Variants in C14orf39 observed in about 807,000 individuals in gnomAD.
The protein encoded by C14orf39 is chromosome 14 open reading frame 39, also known as protein SIX6OS1.
Under a neutral mutation model 85.6 loss-of-function variants are expected in C14orf39, and 66 were observed. That is an observed-to-expected ratio of 0.77 (90% confidence interval 0.63 to 0.95). The LOEUF is 0.95. Ranked by LOEUF, C14orf39 falls within the 40% of genes least tolerant of loss-of-function variation. C14orf39 has a pLI of 0.00. For synonymous variants in C14orf39, 242 were observed against 214.0 expected (o/e 1.13, Z -1.14); for missense variants, 735 against 663.9 (o/e 1.11, Z -1.18).
chr14:60,510,086 G>C, intron 1 of C14orf39: 1 of 941,864 alleles, frequency 1.1e-6, no homozygotes, highest in Non-Finnish European at 1.7e-6. Context: ...TTGGGAGCGC[G>C]GTCTGTCTTG....
rs570234571 is a variant in C14orf39 at position 60,449,642 on chromosome 14, A to G, written c.1503+5359T>C. On this transcript the variant is annotated intron_variant, in intron 16 of 17. Transcript: ENST00000321731. The stretch of plus-strand genomic sequence containing the variant: ...ATATAAGGATTTTGTCAATTTTGTC[A>G]ATTATTTTCAAATAATCAACTTTGA... Among the ~76,000 whole-genome samples, 49 of 152,208 alleles carry G rather than the reference A, an allele frequency of 3.2e-4. 1 individual carries two copies. Among genetic ancestry groups the G allele is most frequent in the Middle Eastern group, 6.8e-3 (2 of 294 alleles).
chr14:60,440,333 TA>T (rs1890449393), intron 17 of C14orf39, among the ~76,000 whole-genome samples: 2 of 152,298 alleles, frequency 1.3e-5, no homozygotes, highest in African/African-American at 4.8e-5. Flanking sequence ...AAATTACGCT[TA>T]GAGCCTTCCA....
At chr14:60,485,580 T>C (rs1956553) in intron 1 of C14orf39, among the ~76,000 whole-genome samples, 24 of 152,068 alleles carry the variant, frequency 1.6e-4, no homozygotes, top group African/African-American at 5.6e-4. Context: ...AATAAAAAAA[T>C]TGGAGGTTTT....
chr14:60,471,841 G>A, intron 5 of C14orf39, 102 bp from the exon 6 acceptor site: 2 of 653,378 alleles, frequency 3.1e-6, no homozygotes, highest in Non-Finnish European at 5.0e-6. Flanking sequence ...CAAATCAAAT[G>A]TCTTCTTATT....
At chr14:60,447,872 G>C (rs940478622) in intron 16 of C14orf39, among the ~76,000 whole-genome samples, 14 of 151,932 alleles carry the variant, frequency 9.2e-5, no homozygotes, top group African/African-American at 1.5e-4. Context: ...CAGAACAGAG[G>C]CCTCAGAAAT....
upstream of C14orf39, among the ~76,000 whole-genome samples, chr14:60,486,790 G>A (rs968169573): frequency 6.6e-6 from 1 of 152,204 alleles, no homozygotes; most frequent in Non-Finnish European, 1.5e-5. Flanking sequence ...GAAGGTTTCA[G>A]AAGTTTTTCT....
In C14orf39 at chr14:60,449,300, A is replaced by C. The variant is rs115676157; in HGVS notation, c.1503+5701T>G. On this transcript the variant is annotated intron_variant, in intron 16 of 17. Coordinates refer to ENST00000321731, the MANE Select transcript of C14orf39 (RefSeq NM_174978.3). ...TCCTCCTAAGATTTGGTAAATATTC[A>C]CCTATATTTCTTCAGAAATATATTG... Among the ~76,000 whole-genome samples the C allele has an allele frequency of 5.6e-3, 848 of 152,304 alleles. 2 individuals carry two copies. Among genetic ancestry groups the C allele is most frequent in the African/African-American group, 0.018 (760 of 41,554 alleles).
At chr14:60,509,998 G>C (rs762317415) in intron 1 of C14orf39, 3 of 1,568,790 alleles carry the variant, frequency 1.9e-6, no homozygotes, top group Non-Finnish European at 1.7e-6. Context: ...TCCGCGCTTT[G>C]AGCGCACCGG....
chr14:60,486,286 C>A (rs1340441475), upstream of C14orf39, among the ~76,000 whole-genome samples: 2 of 152,238 alleles, frequency 1.3e-5, no homozygotes, highest in East Asian at 3.9e-4. Context: ...AGAGACCTGT[C>A]AGAGACTCTC....
Position 60,436,925 on chromosome 14 carries a change from C to G in C14orf39, c.1684G>C (p.Gly562Arg). The G allele has an allele frequency of 6.2e-7, 1 of 1,611,706 alleles. No individual in the cohort carries two copies. The highest frequency in any genetic ancestry group is 8.5e-7 in the Non-Finnish European group (1 of 1,178,266). The change falls in exon 18 of 18, where the codon GGT (glycine) becomes CGT (arginine). Residue 562 changes from glycine (G) to arginine (R), a missense_variant. Coordinates refer to ENST00000321731, the MANE Select transcript of C14orf39 (RefSeq NM_174978.3). Reference sequence around the variant, plus strand: ...GAAGAAGAAGGTATTGAATTTTGACCCTGTCCAAATGAAAATGGAAAACTA... The same window carrying G: ...GAAGAAGAAGGTATTGAATTTTGACGCTGTCCAAATGAAAATGGAAAACTA... ...DFSFPFSFGQ[G>R]QNSIPSSSLK...
intron 15 of C14orf39, among the ~76,000 whole-genome samples, chr14:60,456,236 C>T (rs1595455341): frequency 6.6e-6 from 1 of 151,974 alleles, no homozygotes. Context: ...ATTTTCTTGG[C>T]TGCAAACTAC....
chr14:60,492,629 A>C (rs1243603312), intron 2 of C14orf39, among the ~76,000 whole-genome samples: 3 of 151,874 alleles, frequency 2.0e-5, no homozygotes, highest in Admixed American at 6.6e-5. Flanking sequence ...TAATAAAATA[A>C]AAAATTAGCT....
intron 14 of C14orf39, 45 bp from the exon 15 acceptor site, chr14:60,457,140 C>T (rs1366784713): frequency 1.6e-6 from 2 of 1,247,256 alleles, no homozygotes; most frequent in African/African-American, 3.1e-5. Flanking sequence ...AATGCTGCTG[C>T]ATTAATGACA....
chr14:60,466,791 CTT>C, intron 10 of C14orf39, 124 bp downstream of exon 10: 1 of 602,178 alleles, frequency 1.7e-6, no homozygotes, highest in Non-Finnish European at 2.4e-6. Context: ...GCAGTACTCT[CTT>C]GAGTTTATAG....
chr14:60,506,324 C>T (rs1274123601), intron 1 of C14orf39, among the ~76,000 whole-genome samples: 1 of 152,130 alleles, frequency 6.6e-6, no homozygotes, highest in African/African-American at 2.4e-5. Flanking sequence ...TGGCACAAAA[C>T]CTCAAAACTG....
Position 60,455,057 on chromosome 14 carries a change from G to A in C14orf39, c.1447C>T (p.Pro483Ser), listed in dbSNP as rs898006117. 1.3e-6 allele frequency: 2 copies of A among 1,579,892 alleles called. No homozygotes were observed. The highest frequency in any genetic ancestry group is 1.7e-6 in the Non-Finnish European group (2 of 1,166,848). Reference protein sequence around the residue: ...SFLMSYTSRSPGLNLFDSSVF... With the variant: ...SFLMSYTSRSSGLNLFDSSVF... ...GAAGAATCAAATAAATTCAATCCAG[G>A]TGATCTAGAAGTATAACTCATAAGA... The change falls in exon 16 of 18, where the codon CCT becomes TCT. Residue 483 changes from proline (P) to serine (S), a missense_variant. Physicochemically the swap from Pro to Ser is moderately conservative, Grantham distance 74. Coordinates refer to ENST00000321731, the MANE Select transcript of C14orf39 (RefSeq NM_174978.3).
At chr14:60,513,096 G>A (rs956287173) in intron 1 of C14orf39, among the ~76,000 whole-genome samples, 2 of 152,208 alleles carry the variant, frequency 1.3e-5, no homozygotes, top group Non-Finnish European at 1.5e-5. Flanking sequence ...TAAATCGCTT[G>A]AATAGATTTG....
intron 2 of C14orf39, chr14:60,496,268 C>A: frequency 2.6e-6 from 1 of 389,040 alleles, no homozygotes; most frequent in East Asian, 6.6e-5. Flanking sequence ...AGGATCTGCT[C>A]AAGGACCCAC....
intron 1 of C14orf39, among the ~76,000 whole-genome samples, chr14:60,485,535 C>T (rs536794915): frequency 6.6e-6 from 1 of 152,216 alleles, no homozygotes; most frequent in South Asian, 2.1e-4. Flanking sequence ...CCTAGAGAAA[C>T]AGTGCGATTT....
Sources: allele counts gnomAD v4.1 joint callset (sites outside exome capture counted in the v4.1 genomes callset), GRCh38; gene constraint gnomAD v4.1.1; transcripts MANE v1.5; gene names NCBI Gene and HGNC (gene_info 2026-07-23, HGNC 2026-07-21).